Variants in TNS1 observed in about 807,000 individuals in gnomAD.
The protein encoded by TNS1 is tensin 1.
Under a neutral mutation model 168.6 loss-of-function variants are expected in TNS1, and 62 were observed. The ratio of observed to expected loss-of-function variants is 0.37; its 90% CI spans 0.30 to 0.45. The LOEUF (loss-of-function observed/expected upper bound fraction) is 0.45. Among genes scored for constraint, TNS1 ranks in the 20% least tolerant of loss-of-function variants. The pLI is 1.00. For missense variants in TNS1, 2,240 were observed against 2,339.4 expected, an observed-to-expected ratio of 0.96 and a Z score of 0.88; for synonymous variants, 934 against 933.2, an observed-to-expected ratio of 1.00 and a Z score of -0.02.
Position 217,856,947 on chromosome 2 carries a change from G to GC in TNS1, c.1430-7861dup, listed in dbSNP as rs568018116. ...CCTCACCAGTGTCACCTACAAGCTTGCCTCTGGACCCAGGGAGGGTGGACC... is the reference window on the plus strand; with the variant it reads ...CCTCACCAGTGTCACCTACAAGCTTGCCCTCTGGACCCAGGGAGGGTGGACC... On this transcript the variant is annotated intron_variant, in intron 18 of 32. Transcript: ENST00000682258. Among the ~76,000 whole-genome samples, 9 of 152,262 alleles carry GC rather than the reference G, an allele frequency of 5.9e-5. No individual in the cohort carries two copies. The East Asian group carries it at 1.7e-3, about 29-fold the overall frequency.
Position 217,849,781 on chromosome 2 carries a change from C to T in TNS1, c.1430-694G>A, listed in dbSNP as rs1189942402. 2.1e-5 allele frequency: 21 copies of T among 985,410 alleles called. No individual in the cohort carries two copies. The East Asian group carries it at 2.0e-3, about 96-fold the overall frequency. The allele number at this position is 985,410 out of a possible 1,614,324, so 61.0% of individuals were successfully genotyped here. On this transcript the variant is annotated intron_variant, in intron 18 of 32. Coordinates refer to ENST00000682258, the MANE Select transcript of TNS1 (RefSeq NM_001387777.1). ...AGAGGTATCAGCATGGACGGCCAGTCGCCCCGAGGATAGCCTTTGCCCACG... is the reference window on the plus strand; with the variant it reads ...AGAGGTATCAGCATGGACGGCCAGTTGCCCCGAGGATAGCCTTTGCCCACG...
chr2:217,852,792 T>C (rs1947677671), intron 18 of TNS1, among the ~76,000 whole-genome samples: 1 of 152,232 alleles, frequency 6.6e-6, no homozygotes, highest in Non-Finnish European at 1.5e-5. Context: ...CACTAAGGCA[T>C]AGTAAGAAAA....
At chr2:217,999,456 C>T (rs1958523604) in intron 1 of TNS1, among the ~76,000 whole-genome samples, 1 of 152,224 alleles carries the variant, frequency 6.6e-6, no homozygotes, top group Non-Finnish European at 1.5e-5. Flanking sequence ...CGGGATCCAG[C>T]CCAGGCATTG....
upstream of TNS1, among the ~76,000 whole-genome samples, chr2:218,004,125 C>A (rs921094602): frequency 6.6e-6 from 1 of 152,200 alleles, no homozygotes; most frequent in Non-Finnish European, 1.5e-5. Context: ...CCGCTCTGTT[C>A]TTTGGAGCTG....
chr2:218,031,530 T>TGA (rs1958900481), intron 1 of TNS1, among the ~76,000 whole-genome samples: 1 of 135,526 alleles, frequency 7.4e-6, no homozygotes, highest in African/African-American at 2.6e-5. Flanking sequence ...TGTGTGAGTG[T>TGA]GTGTGTGCCT....
intron 9 of TNS1, among the ~76,000 whole-genome samples, chr2:217,893,941 C>T (rs1952009589): frequency 6.6e-6 from 1 of 152,216 alleles, no homozygotes; most frequent in African/African-American, 2.4e-5. Context: ...TGCTGAGGGG[C>T]CCCAAGCACT....
chr2:217,914,988 G>A (rs537606446), intron 4 of TNS1, among the ~76,000 whole-genome samples: 1 of 152,316 alleles, frequency 6.6e-6, no homozygotes, highest in East Asian at 1.9e-4. Flanking sequence ...CCTAGGGGTT[G>A]CACAAGTTGG....
intron 3 of TNS1, among the ~76,000 whole-genome samples, chr2:217,925,606 C>T (rs1454458187): frequency 6.6e-6 from 1 of 152,234 alleles, no homozygotes; most frequent in African/African-American, 2.4e-5. Flanking sequence ...GGGGTCCCCC[C>T]ACCATCTCCT....
intron 1 of TNS1, among the ~76,000 whole-genome samples, chr2:218,001,353 C>T (rs929805182): frequency 1.3e-5 from 2 of 152,062 alleles, no homozygotes; most frequent in Non-Finnish European, 2.9e-5. Context: ...CTGCAATCCT[C>T]ATTTCACCAA....
intron 3 of TNS1, among the ~76,000 whole-genome samples, chr2:217,959,685 T>C (rs1455637004): frequency 5.3e-5 from 8 of 152,250 alleles, no homozygotes; most frequent in Non-Finnish European, 8.8e-5. Flanking sequence ...TTATTATTAT[T>C]ATTATGGACT....
intron 1 of TNS1, among the ~76,000 whole-genome samples, chr2:218,018,102 C>T (rs1958777737): frequency 6.6e-6 from 1 of 152,182 alleles, no homozygotes; most frequent in South Asian, 2.1e-4. Flanking sequence ...GGTACAATGC[C>T]TCTCAGTCCA....
Position 217,849,011 on chromosome 2 carries a change from G to A in TNS1, c.1506C>T (p.Gly502=), listed in dbSNP as rs750118846. ...GTGTGGCATTAACAGCCCCGGTGCTGCCGTGCAGGGAGTCTTTCTTCTTCA... is the reference window on the plus strand; with the variant it reads ...GTGTGGCATTAACAGCCCCGGTGCTACCGTGCAGGGAGTCTTTCTTCTTCA... ...AKVKKKDSLH[G]STGAVNATRP... is the part of the protein sequence containing the mutation. The change falls in exon 19 of 33, where the codon GGC becomes GGT. Residue 502 remains glycine (G), a synonymous_variant. Transcript: ENST00000682258. 1.9e-6 allele frequency: 3 copies of A among 1,613,966 alleles called. No individual in the cohort carries two copies. Among genetic ancestry groups the A allele is most frequent in the Non-Finnish European group, 2.5e-6 (3 of 1,180,032 alleles).
At position 217,849,271 on chromosome 2, in the gene TNS1, G is replaced by C. The variant is rs187282748; in HGVS notation, c.1430-184C>G. ...AGAAAGACCTCTACCCCAGGCTTTG[G>C]GGCAGAGCCTCACCAACACTCAGCT... On this transcript the variant is annotated intron_variant, in intron 18 of 32. Coordinates refer to ENST00000682258, the MANE Select transcript of TNS1 (RefSeq NM_001387777.1). Among the ~76,000 whole-genome samples the C allele has an allele frequency of 6.3e-3, 954 of 152,290 alleles. 3 individuals are homozygous for C. The highest frequency in any genetic ancestry group is 0.012 in the Admixed American group (184 of 15,298).
chr2:217,934,930 C>T (rs1956522969), intron 3 of TNS1, among the ~76,000 whole-genome samples: 2 of 152,232 alleles, frequency 1.3e-5, no homozygotes, highest in South Asian at 4.1e-4. Context: ...AAAGAGAGAA[C>T]GCCCCTAACT....
intron 3 of TNS1, among the ~76,000 whole-genome samples, chr2:217,932,558 G>A (rs1460056512): frequency 6.6e-6 from 1 of 152,118 alleles, no homozygotes; most frequent in Non-Finnish European, 1.5e-5. Flanking sequence ...TCTATGCACT[G>A]GGCTCAGTTC....
intron 2 of TNS1, among the ~76,000 whole-genome samples, chr2:217,988,886 G>A (rs1958274540): frequency 6.6e-6 from 1 of 152,294 alleles, no homozygotes; most frequent in Non-Finnish European, 1.5e-5. Flanking sequence ...CTTTTGGGGG[G>A]TGTGACCATC....
intron 18 of TNS1, among the ~76,000 whole-genome samples, chr2:217,862,057 A>T (rs1948829030): frequency 6.6e-6 from 1 of 152,222 alleles, no homozygotes; most frequent in African/African-American, 2.4e-5. Flanking sequence ...GCCTATCCCA[A>T]CACTGATTAC....
intron 12 of TNS1, among the ~76,000 whole-genome samples, chr2:217,887,615 C>T (rs890143887): frequency 1.3e-5 from 2 of 152,154 alleles, no homozygotes; most frequent in Non-Finnish European, 2.9e-5. Context: ...GCCAACATCC[C>T]CTAGTTCTTT....
chr2:217,967,583 G>A (rs548444241), intron 3 of TNS1, among the ~76,000 whole-genome samples: 1 of 152,168 alleles, frequency 6.6e-6, no homozygotes, highest in East Asian at 1.9e-4. Context: ...CAAATTCCTA[G>A]AAAGGCATAA....
Sources: gnomAD v4.1 joint callset for allele counts (sites outside exome capture counted in the v4.1 genomes callset) on GRCh38, gnomAD v4.1.1 for gene constraint, MANE v1.5 for transcripts, NCBI Gene and HGNC (gene_info 2026-07-23, HGNC 2026-07-21) for gene names.